NLGN1: variants seen among roughly 807,000 people sequenced by gnomAD.
NLGN1 encodes the protein neuroligin-1.
Under a neutral mutation model 65.5 loss-of-function variants are expected in NLGN1, and 12 were observed. The observed-to-expected ratio is 0.18, with a 90% CI of 0.12 to 0.30. The LOEUF is 0.30. Ranked by LOEUF, NLGN1 falls within the 10% of genes least tolerant of loss-of-function variation. The probability of loss-of-function intolerance (pLI) is 1.00; values close to 1 mark genes in which losing one functional copy is unlikely to be tolerated. For synonymous variants in NLGN1, 350 were observed against 359.5 expected (o/e 0.97, Z 0.30); for missense variants, 750 against 1,007.1 (o/e 0.74, Z 3.46).
rs560889808 is a variant in NLGN1 at position 174,127,814 on chromosome 3, A to T, written c.647-147501A>T. Among the ~76,000 whole-genome samples, 93 of 152,300 alleles carry T rather than the reference A, an allele frequency of 6.1e-4. No homozygotes were observed. The South Asian group carries it at 0.01, about 17-fold the overall frequency. On this transcript the variant is annotated intron_variant, in intron 4 of 6. Coordinates refer to ENST00000457714, the Ensembl canonical transcript of NLGN1. ...CTTTCTAGAATTTGGGTGCACACTG[A>T]AAGTATATTCCAGGCATCACAAACA...
At chr3:174,240,373 T>A (rs1351208931) in intron 4 of NLGN1, among the ~76,000 whole-genome samples, 2 of 152,284 alleles carry the variant, frequency 1.3e-5, no homozygotes, top group East Asian at 3.9e-4. Context: ...TAATAAAATG[T>A]AATATGGAAG....
chr3:173,632,853 T>G (rs891507253), intron 3 of NLGN1, among the ~76,000 whole-genome samples: 20 of 124,370 alleles, frequency 1.6e-4, no homozygotes, highest in East Asian at 2.0e-4. Context: ...TTTTTTGTTT[T>G]TTTTTTTTTT....
intron 4 of NLGN1, among the ~76,000 whole-genome samples, chr3:173,918,670 G>C (rs1741275815): frequency 8.4e-6 from 1 of 119,530 alleles, no homozygotes. Flanking sequence ...ATGTGTGTGT[G>C]TGTGTGTGTG....
chr3:174,108,967 T>C (rs925581557), intron 4 of NLGN1, among the ~76,000 whole-genome samples: 4 of 152,082 alleles, frequency 2.6e-5, no homozygotes, highest in Non-Finnish European at 2.9e-5. Context: ...TACACACACA[T>C]ATATAACAGG....
At chr3:174,118,963 T>C (rs28463951) in intron 4 of NLGN1, among the ~76,000 whole-genome samples, 8,599 of 152,166 alleles carry the variant, frequency 0.057, 309 homozygotes, top group African/African-American at 0.091. Flanking sequence ...TCTATAATCT[T>C]CTAGAAAGGC....
intron 4 of NLGN1, among the ~76,000 whole-genome samples, chr3:174,221,689 C>T (rs1213413765): frequency 2.0e-5 from 3 of 151,604 alleles, no homozygotes; most frequent in East Asian, 3.9e-4. Context: ...GAAATTTATT[C>T]TCTCAAAGTT....
At chr3:174,036,377 T>G (rs892199985) in intron 4 of NLGN1, among the ~76,000 whole-genome samples, 2 of 152,158 alleles carry the variant, frequency 1.3e-5, no homozygotes, top group Admixed American at 6.6e-5. Context: ...TACCTCCTAT[T>G]ATATGAACCT....
intron 3 of NLGN1, among the ~76,000 whole-genome samples, chr3:173,662,546 A>G (rs1761078879): frequency 6.6e-6 from 1 of 152,070 alleles, no homozygotes; most frequent in Non-Finnish European, 1.5e-5. Flanking sequence ...GTGTATTTCA[A>G]GATGGCTCTG....
chr3:173,927,518 C>T (rs1743229979), intron 4 of NLGN1, among the ~76,000 whole-genome samples: 1 of 152,170 alleles, frequency 6.6e-6, no homozygotes, highest in Non-Finnish European at 1.5e-5. Flanking sequence ...TCTCCTCCTG[C>T]TCTTCCTGGC....
At chr3:173,727,222 G>T (rs1211240525) in intron 3 of NLGN1, among the ~76,000 whole-genome samples, 2 of 152,022 alleles carry the variant, frequency 1.3e-5, no homozygotes, top group African/African-American at 2.4e-5. Flanking sequence ...TCCTAGTAGG[G>T]TTTAAGTATT....
chr3:173,603,662 G>A (rs1041762838), intron 2 of NLGN1, among the ~76,000 whole-genome samples: 9 of 151,996 alleles, frequency 5.9e-5, no homozygotes, highest in African/African-American at 2.2e-4. Flanking sequence ...ATTTCAAATA[G>A]GAAACCTATA....
intron 4 of NLGN1, among the ~76,000 whole-genome samples, chr3:173,814,327 T>G (rs777814764): frequency 6.6e-6 from 1 of 152,224 alleles, no homozygotes; most frequent in Non-Finnish European, 1.5e-5. Flanking sequence ...ATTTCTTCTC[T>G]CAAATATGTT....
At chr3:173,578,372 G>A (rs1559993546) in intron 2 of NLGN1, among the ~76,000 whole-genome samples, 1 of 152,088 alleles carries the variant, frequency 6.6e-6, no homozygotes, top group East Asian at 1.9e-4. Context: ...TGAAAATTCA[G>A]GCTAGTGTTT....
chr3:174,053,789 G>C (rs1735443579), intron 4 of NLGN1, among the ~76,000 whole-genome samples: 1 of 151,244 alleles, frequency 6.6e-6, no homozygotes, highest in South Asian at 2.1e-4. Flanking sequence ...CTTTTCCTTG[G>C]GTGTCTAGTT....
At chr3:173,476,477 C>T (rs980703848) in intron 2 of NLGN1, among the ~76,000 whole-genome samples, 6 of 152,016 alleles carry the variant, frequency 3.9e-5, no homozygotes, top group South Asian at 2.1e-4. Context: ...TATATGAGCC[C>T]ATTTAACACT....
At chr3:173,857,541 G>T (rs1172672369) in intron 4 of NLGN1, among the ~76,000 whole-genome samples, 1 of 151,634 alleles carries the variant, frequency 6.6e-6, no homozygotes, top group Non-Finnish European at 1.5e-5. Flanking sequence ...TATTGTTATT[G>T]ATAATAACAA....
intron 3 of NLGN1, among the ~76,000 whole-genome samples, chr3:173,606,635 G>A (rs1751448983): frequency 6.6e-6 from 1 of 151,900 alleles, no homozygotes; most frequent in Non-Finnish European, 1.5e-5. Context: ...GCATTTATAT[G>A]GAAGACACTT....
chr3:173,652,166 T>C (rs1194102947), intron 3 of NLGN1, among the ~76,000 whole-genome samples: 1 of 152,188 alleles, frequency 6.6e-6, no homozygotes, highest in Non-Finnish European at 1.5e-5. Context: ...TTTTGGATAT[T>C]AGTCCACTGT....
intron 4 of NLGN1, among the ~76,000 whole-genome samples, chr3:173,844,305 A>G (rs1319375602): frequency 2.0e-5 from 3 of 152,198 alleles, no homozygotes; most frequent in Non-Finnish European, 4.4e-5. Flanking sequence ...GTTTGGTAGT[A>G]GAGTAAGACA....
Sources: allele counts gnomAD v4.1 joint callset (sites outside exome capture counted in the v4.1 genomes callset), GRCh38; gene constraint gnomAD v4.1.1; transcripts MANE v1.5; gene names NCBI Gene and HGNC (gene_info 2026-07-23, HGNC 2026-07-21).